MGAT4C: variants seen among roughly 807,000 people sequenced by gnomAD.
The protein encoded by MGAT4C is MGAT4 family member C.
In MGAT4C, 19 loss-of-function variants were observed where a neutral mutation model predicts 40.1. The ratio of observed to expected loss-of-function variants is 0.47; its 90% CI spans 0.33 to 0.70. The LOEUF (loss-of-function observed/expected upper bound fraction) is 0.70. Ranked by LOEUF, MGAT4C falls within the 30% of genes least tolerant of loss-of-function variation. The probability of loss-of-function intolerance (pLI) is 0.02; values close to 1 mark genes in which losing one functional copy is unlikely to be tolerated. For missense variants in MGAT4C, 491 were observed against 563.2 expected, an observed-to-expected ratio of 0.87 and a Z score of 1.30; for synonymous variants, 181 against 187.1, an observed-to-expected ratio of 0.97 and a Z score of 0.27.
chr12:86,019,632 C>G (rs1889455801), intron 2 of MGAT4C, among the ~76,000 whole-genome samples: 1 of 152,138 alleles, frequency 6.6e-6, no homozygotes, highest in Non-Finnish European at 1.5e-5. Context: ...CGTGATGCCT[C>G]CAGCCTTGTT....
chr12:86,401,939 G>A (rs1261796165), intron 3 of MGAT4C, among the ~76,000 whole-genome samples: 1 of 151,972 alleles, frequency 6.6e-6, no homozygotes, highest in African/African-American at 2.4e-5. Context: ...ACTTGTACAA[G>A]CGCTTACAAA....
intron 4 of MGAT4C, 82 bp from the exon 5 acceptor site, chr12:85,980,512 G>A: frequency 4.0e-6 from 5 of 1,258,430 alleles, no homozygotes; most frequent in Non-Finnish European, 5.4e-6. Flanking sequence ...TTATTCCTTT[G>A]ACTTGCTACT....
chr12:86,818,672 T>C (rs1952649075), intron 1 of MGAT4C, among the ~76,000 whole-genome samples: 1 of 151,116 alleles, frequency 6.6e-6, no homozygotes, highest in Non-Finnish European at 1.5e-5. Context: ...AAATAAAACA[T>C]TTTGAAGCTT....
intron 1 of MGAT4C, among the ~76,000 whole-genome samples, chr12:86,118,995 T>C (rs1373390940): frequency 6.6e-6 from 1 of 152,128 alleles, no homozygotes. Context: ...TGCATCATAT[T>C]CTAAGAGTTG....
At chr12:86,009,459 A>G (rs547233939) in intron 2 of MGAT4C, among the ~76,000 whole-genome samples, 29 of 152,118 alleles carry the variant, frequency 1.9e-4, no homozygotes, top group Non-Finnish European at 3.8e-4. Context: ...CAGCCACTGC[A>G]GAATCCAAAT....
At chr12:86,488,418 C>A (rs1434009801) in intron 2 of MGAT4C, among the ~76,000 whole-genome samples, 1 of 150,486 alleles carries the variant, frequency 6.6e-6, no homozygotes, top group African/African-American at 2.4e-5. Flanking sequence ...CAGGGTGAGA[C>A]CCTGTCTCAA....
intron 1 of MGAT4C, among the ~76,000 whole-genome samples, chr12:86,787,183 ACTCT>A (rs1345203829): frequency 6.6e-6 from 1 of 151,880 alleles, no homozygotes; most frequent in African/African-American, 2.4e-5. Context: ...CTGAGTCTTC[ACTCT>A]CTATGTTCGT....
At chr12:86,661,873 A>C (rs2136549456) in intron 2 of MGAT4C, among the ~76,000 whole-genome samples, 1 of 152,234 alleles carries the variant, frequency 6.6e-6, no homozygotes, top group South Asian at 2.1e-4. Context: ...TGGGAGGTGT[A>C]GGTTGTAGTG....
intron 2 of MGAT4C, among the ~76,000 whole-genome samples, chr12:86,594,035 G>A (rs1229953672): frequency 6.6e-6 from 1 of 152,142 alleles, no homozygotes; most frequent in Non-Finnish European, 1.5e-5. Flanking sequence ...TGCCACAAAA[G>A]CCAGGACAAT....
intron 1 of MGAT4C, among the ~76,000 whole-genome samples, chr12:86,064,887 T>A (rs1395562395): frequency 6.6e-6 from 1 of 152,162 alleles, no homozygotes; most frequent in African/African-American, 2.4e-5. Context: ...ATATCACCAC[T>A]GATCCCACAG....
intron 2 of MGAT4C, among the ~76,000 whole-genome samples, chr12:86,443,186 G>A (rs1957264865): frequency 2.0e-5 from 3 of 149,556 alleles, no homozygotes; most frequent in Non-Finnish European, 1.5e-5. Flanking sequence ...CATTATATAT[G>A]TGTGTGTGTG....
chr12:86,539,353 C>A (rs1441096692), intron 2 of MGAT4C, among the ~76,000 whole-genome samples: 11 of 152,198 alleles, frequency 7.2e-5, no homozygotes, highest in Non-Finnish European at 1.0e-4. Flanking sequence ...AGGACATGAA[C>A]TCATCATTTT....
chr12:86,550,377 AG>A (rs1420685851), intron 2 of MGAT4C, among the ~76,000 whole-genome samples: 5 of 152,168 alleles, frequency 3.3e-5, no homozygotes, highest in African/African-American at 1.2e-4. Context: ...AGTCCTTGAA[AG>A]CCCTGAGGCC....
chr12:86,183,112 C>T (rs748600963), intron 1 of MGAT4C, among the ~76,000 whole-genome samples: 2 of 152,070 alleles, frequency 1.3e-5, no homozygotes, highest in Non-Finnish European at 2.9e-5. Context: ...AAAGTAGATT[C>T]CTGATTTTCA....
intron 3 of MGAT4C, among the ~76,000 whole-genome samples, chr12:86,410,782 G>A (rs951681173): frequency 1.1e-4 from 16 of 152,222 alleles, no homozygotes; most frequent in East Asian, 9.7e-4. Flanking sequence ...AAAGACAGGC[G>A]TAAGAAATTA....
At chr12:86,655,955 A>T (rs764867027) in intron 2 of MGAT4C, among the ~76,000 whole-genome samples, 8 of 152,062 alleles carry the variant, frequency 5.3e-5, no homozygotes, top group Non-Finnish European at 1.0e-4. Context: ...AGTTTGCCTG[A>T]TAAGTTTATC....
intron 4 of MGAT4C, among the ~76,000 whole-genome samples, chr12:86,296,755 A>G (rs1366035786): frequency 1.3e-5 from 2 of 152,142 alleles, no homozygotes; most frequent in Admixed American, 6.5e-5. Context: ...GCGCAGCCCC[A>G]GTTCCTGCTC....
intron 2 of MGAT4C, among the ~76,000 whole-genome samples, chr12:86,443,646 T>G (rs1041442995): frequency 1.3e-5 from 2 of 152,194 alleles, no homozygotes; most frequent in Non-Finnish European, 2.9e-5. Flanking sequence ...CAGGCTGGAG[T>G]GCAGTGGCAC....
At chr12:86,230,867 C>CA (rs1441178280) in intron 1 of MGAT4C, among the ~76,000 whole-genome samples, 6 of 70,436 alleles carry the variant, frequency 8.5e-5, no homozygotes, top group Admixed American at 1.5e-4. Context: ...TTCAAACACT[C>CA]CCTTTTTTTT....
Sources: gnomAD v4.1 joint callset for allele counts (sites outside exome capture counted in the v4.1 genomes callset) on GRCh38, gnomAD v4.1.1 for gene constraint, MANE v1.5 for transcripts, NCBI Gene and HGNC (gene_info 2026-07-23, HGNC 2026-07-21) for gene names.